SCFD2: variants seen among roughly 807,000 people sequenced by gnomAD.
The protein encoded by SCFD2 is sec1 family domain containing 2, also known as sec1 family domain-containing protein 2.
SCFD2 carries 54 observed loss-of-function variants against 58.9 expected under a neutral mutation model. The observed-to-expected ratio is 0.92, with a 90% CI of 0.74 to 1.15. The LOEUF (loss-of-function observed/expected upper bound fraction) is 1.15. Ranked by LOEUF, SCFD2 falls within the 50% of genes most tolerant of loss-of-function variation. The pLI is 0.00. For missense variants in SCFD2, 805 were observed against 836.6 expected (o/e 0.96, Z 0.47); for synonymous variants, 321 against 335.9 (o/e 0.96, Z 0.49).
chr4:53,293,497 T>C (rs1346456803), intron 3 of SCFD2, among the ~76,000 whole-genome samples: 1 of 152,118 alleles, frequency 6.6e-6, no homozygotes, highest in Non-Finnish European at 1.5e-5. Flanking sequence ...TCATATACTA[T>C]AATATATCAC....
intron 4 of SCFD2, among the ~76,000 whole-genome samples, chr4:53,272,520 C>T (rs1233457634): frequency 1.3e-5 from 2 of 152,106 alleles, no homozygotes; most frequent in Non-Finnish European, 2.9e-5. Context: ...ACTATGCAGC[C>T]ATAAAAAAGG....
intron 5 of SCFD2, among the ~76,000 whole-genome samples, chr4:52,968,723 G>A (rs775918288): frequency 6.6e-6 from 1 of 152,106 alleles, no homozygotes; most frequent in Non-Finnish European, 1.5e-5. Flanking sequence ...TGTGGGGATC[G>A]GCAACCAACT....
chr4:53,363,788 T>C (rs542103592), intron 1 of SCFD2, among the ~76,000 whole-genome samples: 6 of 145,924 alleles, frequency 4.1e-5, no homozygotes, highest in East Asian at 2.0e-4. Context: ...GATTGCGCCA[T>C]TGCACTCCAG....
At chr4:53,079,849 T>C (rs140675263) in intron 5 of SCFD2, among the ~76,000 whole-genome samples, 2,276 of 152,276 alleles carry the variant, frequency 0.015, 55 homozygotes, top group African/African-American at 0.052. Flanking sequence ...GAGCTAAGAC[T>C]GCAGGGGATG....
At chr4:53,006,191 T>C (rs1298890202) in intron 5 of SCFD2, among the ~76,000 whole-genome samples, 2 of 152,162 alleles carry the variant, frequency 1.3e-5, no homozygotes, top group Non-Finnish European at 2.9e-5. Flanking sequence ...CTGCTCTCCC[T>C]CCATTTCCCC....
rs138462255 is a variant in SCFD2, at chr4:53,155,479, C to A, written c.1312-9897G>T. Among the ~76,000 whole-genome samples, 22 of 152,304 alleles carry A rather than the reference C, an allele frequency of 1.4e-4. No homozygotes were observed. In the East Asian group the frequency reaches 2.9e-3, roughly 20 times the overall value. ...TCCAGAACCATAAGCCAATAAATTT[C>A]TAGTTGTTATAAATTACCCAGTCTC... is the stretch of plus-strand genomic sequence containing the variant. On this transcript the variant is annotated intron_variant, in intron 4 of 8. Transcript: ENST00000401642.
Position 53,063,133 on chromosome 4 carries a change from G to A in SCFD2, c.1561+82200C>T, listed in dbSNP as rs146515450. Among the ~76,000 whole-genome samples the A allele has an allele frequency of 3.9e-3, 597 of 152,234 alleles. 2 individuals are homozygous for A. The highest frequency in any genetic ancestry group is 0.014 in the African/African-American group (573 of 41,564). ...AAAAATAGGAGCTTAGCATATGCTT[G>A]TTAATACATGGCAAAGGTTAATTTA... On this transcript the variant is annotated intron_variant, in intron 5 of 8. Coordinates refer to ENST00000401642, the MANE Select transcript of SCFD2 (RefSeq NM_152540.4).
At chr4:52,918,009 C>T (rs1468071262) in intron 6 of SCFD2, among the ~76,000 whole-genome samples, 1 of 152,150 alleles carries the variant, frequency 6.6e-6, no homozygotes. Flanking sequence ...GGCCTAGATC[C>T]TAATATGCAG....
chr4:52,958,724 G>A (rs1401469313), intron 5 of SCFD2, among the ~76,000 whole-genome samples: 2 of 152,170 alleles, frequency 1.3e-5, no homozygotes, highest in African/African-American at 4.8e-5. Context: ...GGCTAGAGCA[G>A]AGGACAGGTG....
At chr4:53,225,314 T>G (rs1416446375) in intron 4 of SCFD2, among the ~76,000 whole-genome samples, 1 of 152,184 alleles carries the variant, frequency 6.6e-6, no homozygotes, top group African/African-American at 2.4e-5. Flanking sequence ...AGTGGTAAAT[T>G]ACATCTCAGC....
chr4:52,959,882 GA>G (rs1037469434), intron 5 of SCFD2, among the ~76,000 whole-genome samples: 138 of 121,056 alleles, frequency 1.1e-3, no homozygotes, highest in African/African-American at 4.5e-3. Flanking sequence ...GAGGAAGAGA[GA>G]GACTCCAAAT....
chr4:52,992,079 C>T (rs946296266), intron 5 of SCFD2, among the ~76,000 whole-genome samples: 22 of 152,136 alleles, frequency 1.4e-4, no homozygotes, highest in African/African-American at 3.1e-4. Flanking sequence ...GATGCCGAGC[C>T]GAAGCTGGAC....
At chr4:53,149,563 G>C (rs1485411890) in intron 4 of SCFD2, among the ~76,000 whole-genome samples, 2 of 152,198 alleles carry the variant, frequency 1.3e-5, no homozygotes, top group Non-Finnish European at 2.9e-5. Flanking sequence ...TCAGGAGGTA[G>C]CACTTAATTC....
intron 5 of SCFD2, among the ~76,000 whole-genome samples, chr4:52,988,786 C>G (rs1721554867): frequency 6.6e-6 from 1 of 152,160 alleles, no homozygotes; most frequent in Admixed American, 6.5e-5. Context: ...TAGGATACAA[C>G]CACTCTAGCA....
intron 4 of SCFD2, among the ~76,000 whole-genome samples, chr4:53,218,073 A>G (rs1728914285): frequency 1.3e-5 from 2 of 152,116 alleles, no homozygotes; most frequent in Non-Finnish European, 2.9e-5. Context: ...GCTGCCCTGA[A>G]CATTTTTTCC....
Position 52,920,829 on chromosome 4 carries a change from T to C in SCFD2, c.1603A>G (p.Ile535Val). 1.2e-6 allele frequency: 2 copies of C among 1,611,614 alleles called. No homozygotes were observed. The highest frequency in any genetic ancestry group is 2.2e-5 in the East Asian group (1 of 44,724). ...GAAGTAAAGAGTTCATCCACGGCAA[T>C]TTTGGATTTGTGAAATGTCAGATTA... ...SINLTFHKSK[I>V]AVDELFTSLR... Residue 535 changes from isoleucine (I) to valine (V), a missense_variant, in exon 6 of 9, where the codon ATT (isoleucine) becomes GTT (valine). Transcript: ENST00000401642.
chr4:53,156,687 G>C (rs1726699469), intron 4 of SCFD2, among the ~76,000 whole-genome samples: 1 of 152,250 alleles, frequency 6.6e-6, no homozygotes, highest in Admixed American at 6.5e-5. Flanking sequence ...GACAGAGTGA[G>C]ACTCCGTCTC....
rs57906429 is a variant in SCFD2, at chr4:53,212,602, G to GTGTGTGTGTGTT, written c.1311+61223_1311+61224insAACACACACACA. 3.2e-3 allele frequency among the ~76,000 whole-genome samples: 488 copies of GTGTGTGTGTGTT among 150,496 alleles called. 7 individuals are homozygous for GTGTGTGTGTGTT. The highest frequency in any genetic ancestry group is 0.013 in the South Asian group (60 of 4,732). ...TGTGTGTGTGTGTGTGTGTGTGTGT[G>GTGTGTGTGTGTT]TGTGTGCATGTGGTGTCTGTGTGTG... is the stretch of plus-strand genomic sequence containing the variant. On this transcript the variant is annotated intron_variant, in intron 4 of 8. Coordinates refer to ENST00000401642, the MANE Select transcript of SCFD2 (RefSeq NM_152540.4).
chr4:52,983,695 G>C (rs1221430177), intron 5 of SCFD2, among the ~76,000 whole-genome samples: 1 of 152,086 alleles, frequency 6.6e-6, no homozygotes, highest in East Asian at 1.9e-4. Flanking sequence ...CTAATTTATA[G>C]AACCTAACAA....
Sources: allele counts gnomAD v4.1 joint callset (sites outside exome capture counted in the v4.1 genomes callset), GRCh38; gene constraint gnomAD v4.1.1; transcripts MANE v1.5; gene names NCBI Gene and HGNC (gene_info 2026-07-23, HGNC 2026-07-21).